Variants in CFAP52 observed in about 807,000 individuals in gnomAD.
CFAP52 encodes cilia and flagella associated protein 52.
In CFAP52, 57 loss-of-function variants were observed where a neutral mutation model predicts 70.5. The observed-to-expected ratio is 0.81, with a 90% CI of 0.65 to 1.01. CFAP52 has a LOEUF of 1.01. CFAP52 is among the 50% of genes least tolerant of loss of function. The probability of loss-of-function intolerance (pLI) is 0.00; values close to 1 mark genes in which losing one functional copy is unlikely to be tolerated. For synonymous variants in CFAP52, 267 were observed against 292.5 expected (o/e 0.91, Z 0.89); for missense variants, 785 against 788.5 (o/e 1.00, Z 0.05).
chr17:9,622,289 T>G (rs1910071913), intron 8 of CFAP52, among the ~76,000 whole-genome samples: 1 of 152,210 alleles, frequency 6.6e-6, no homozygotes, highest in Admixed American at 6.5e-5. Context: ...GGCTCTTGCC[T>G]GTAATCACAG....
At chr17:9,610,279 C>G (rs923874815) in intron 7 of CFAP52, 1 of 152,138 alleles carries the variant, frequency 6.6e-6, no homozygotes, top group African/African-American at 2.4e-5. Context: ...TTTTTTACCC[C>G]TTTGTTTTTA....
chr17:9,595,888 C>T (rs1260395696), intron 4 of CFAP52, among the ~76,000 whole-genome samples: 2 of 149,136 alleles, frequency 1.3e-5, no homozygotes, highest in Non-Finnish European at 3.0e-5. Flanking sequence ...CATGAAAAAG[C>T]TCTTTGTTTA....
chr17:9,608,054 G>A (rs1486915498), intron 6 of CFAP52, 65 bp from the exon 7 acceptor site: 2 of 1,358,712 alleles, frequency 1.5e-6, no homozygotes, highest in East Asian at 2.4e-5. Flanking sequence ...GGTTACATGA[G>A]TACATTCTTT....
chr17:9,594,803 A>C (rs1397261599), intron 4 of CFAP52, among the ~76,000 whole-genome samples: 1 of 152,112 alleles, frequency 6.6e-6, no homozygotes, highest in African/African-American at 2.4e-5. Flanking sequence ...TGAAAGTTTG[A>C]ACAGAGGCCA....
intron 3 of CFAP52, among the ~76,000 whole-genome samples, chr17:9,589,024 C>G (rs11651115): frequency 0.03 from 4,533 of 152,100 alleles, 87 homozygotes; most frequent in African/African-American, 0.055. Flanking sequence ...ATCACTTGAA[C>G]CTGGGAGGCA....
At chr17:9,609,852 G>A (rs2151941064) in intron 7 of CFAP52, among the ~76,000 whole-genome samples, 1 of 152,196 alleles carries the variant, frequency 6.6e-6, no homozygotes, top group South Asian at 2.1e-4. Flanking sequence ...AACAATATTG[G>A]AAGCCTTCCA....
chr17:9,615,195 T>C (rs1909857159), intron 8 of CFAP52, among the ~76,000 whole-genome samples: 1 of 152,244 alleles, frequency 6.6e-6, no homozygotes, highest in Non-Finnish European at 1.5e-5. Context: ...TTGTTTTCAA[T>C]TGCTATTACT....
chr17:9,579,385 T>G (rs548072008), intron 1 of CFAP52, among the ~76,000 whole-genome samples: 54 of 152,110 alleles, frequency 3.6e-4, no homozygotes, highest in African/African-American at 1.3e-3. Context: ...GGCAAATAGC[T>G]TGGGGTGGCT....
Position 9,594,410 on chromosome 17 carries a change from C to T in CFAP52, c.536+89C>T, listed in dbSNP as rs187546816. 26 of 1,494,530 alleles carry T rather than the reference C, an allele frequency of 1.7e-5. No individual in the cohort carries two copies. The East Asian group carries it at 1.9e-4, about 11-fold the overall frequency. The allele number at this position is 1,494,530 out of a possible 1,614,324, so 92.6% of individuals were successfully genotyped here. On this transcript the variant is annotated intron_variant, in intron 4 of 13. Coordinates refer to ENST00000352665, the MANE Select transcript of CFAP52 (RefSeq NM_145054.5). ...ATGGTCATTCTGATCTGGGGGAACACGTCTTTAGTCCTGGATAAATACCTT... is the reference window on the plus strand; with the variant it reads ...ATGGTCATTCTGATCTGGGGGAACATGTCTTTAGTCCTGGATAAATACCTT...
downstream of CFAP52, chr17:9,645,408 A>T (rs891343541): frequency 1.4e-5 from 4 of 284,258 alleles, no homozygotes; most frequent in East Asian, 2.1e-4. The surrounding 1 kb of genome is among the most constrained non-coding windows in gnomAD (Gnocchi z 6.8). Context: ...GGCACCAGGC[A>T]GGGGTAGGGG....
intron 8 of CFAP52, among the ~76,000 whole-genome samples, chr17:9,626,951 C>G (rs1910257840): frequency 6.6e-6 from 1 of 152,128 alleles, no homozygotes; most frequent in Non-Finnish European, 1.5e-5. Context: ...GTACTGAAAT[C>G]TAAAAATTAG....
At chr17:9,585,668 G>GTC (rs1908431196) in intron 1 of CFAP52, 105 bp from the exon 2 acceptor site, 4 of 1,150,206 alleles carry the variant, frequency 3.5e-6, no homozygotes, top group South Asian at 1.4e-5. Flanking sequence ...GCAAGACTCT[G>GTC]TCACACACAC....
At chr17:9,623,989 A>T (rs1910145273) in intron 8 of CFAP52, among the ~76,000 whole-genome samples, 1 of 151,902 alleles carries the variant, frequency 6.6e-6, no homozygotes, top group Admixed American at 6.6e-5. Context: ...TTGCCCGATT[A>T]TTTTCTATTT....
intron 9 of CFAP52, among the ~76,000 whole-genome samples, chr17:9,630,578 C>A (rs1337613743): frequency 6.7e-6 from 1 of 149,708 alleles, no homozygotes; most frequent in Non-Finnish European, 1.5e-5. Context: ...TACAGGCGCC[C>A]GCTACCACGC....
chr17:9,608,009 T>A (rs1336304859), intron 6 of CFAP52, 110 bp from the exon 7 acceptor site: 3 of 752,204 alleles, frequency 4.0e-6, no homozygotes, highest in Non-Finnish European at 6.0e-6. Context: ...AAATTTTTTT[T>A]ATTGCCATAT....
At chr17:9,592,186 G>T (rs1389893301) in intron 3 of CFAP52, among the ~76,000 whole-genome samples, 1 of 152,150 alleles carries the variant, frequency 6.6e-6, no homozygotes, top group African/African-American at 2.4e-5. Flanking sequence ...TACCCAGCCA[G>T]GCACGGTGGC....
intron 13 of CFAP52, 88 bp from the exon 14 acceptor site, chr17:9,642,935 A>G (rs932396387): frequency 8.9e-6 from 10 of 1,125,970 alleles, no homozygotes; most frequent in Non-Finnish European, 1.2e-5. Context: ...CATGGGGACC[A>G]TGTTGAAAAT....
intron 1 of CFAP52, among the ~76,000 whole-genome samples, chr17:9,582,701 A>C (rs1023063175): frequency 1.3e-5 from 2 of 152,208 alleles, no homozygotes; most frequent in Non-Finnish European, 2.9e-5. Context: ...CAGTGGCACA[A>C]TCTCAGCTCA....
intron 1 of CFAP52, chr17:9,584,356 C>T (rs765131270): frequency 7.8e-7 from 1 of 1,288,004 alleles, no homozygotes; most frequent in African/African-American, 1.5e-5. Context: ...AGGTCCCAGG[C>T]TCTTCAGAGC....
Sources: allele counts gnomAD v4.1 joint callset (sites outside exome capture counted in the v4.1 genomes callset), GRCh38; gene constraint gnomAD v4.1.1; non-coding constraint Gnocchi (gnomAD v3.1); transcripts MANE v1.5; gene names NCBI Gene and HGNC (gene_info 2026-07-23, HGNC 2026-07-21).